TAF4: variants seen among roughly 807,000 people sequenced by gnomAD.
The protein encoded by TAF4 is TATA-box binding protein associated factor 4.
Under a neutral mutation model 90.3 loss-of-function variants are expected in TAF4, and 9 were observed. The ratio of observed to expected loss-of-function variants is 0.10; its 90% CI spans 0.06 to 0.17. The LOEUF (loss-of-function observed/expected upper bound fraction) is 0.17. TAF4 is among the 10% of genes least tolerant of loss of function. TAF4 has a pLI of 1.00. For missense variants in TAF4, 1,351 were observed against 1,370.7 expected, an observed-to-expected ratio of 0.99 and a Z score of 0.23; for synonymous variants, 818 against 638.9, an observed-to-expected ratio of 1.28 and a Z score of -4.23.
chr20:62,011,137 C>T (rs557077682), intron 3 of TAF4, among the ~76,000 whole-genome samples: 46 of 152,282 alleles, frequency 3.0e-4, no homozygotes, highest in African/African-American at 1.1e-3. Context: ...TGTGAGGAGG[C>T]AGCAGGGTGG....
chr20:62,064,093 G>A (rs1478806567), intron 1 of TAF4, among the ~76,000 whole-genome samples: 2 of 152,250 alleles, frequency 1.3e-5, no homozygotes, highest in Non-Finnish European at 2.9e-5. Flanking sequence ...GGCCCAGGGA[G>A]CCCCTGCGCT....
intron 1 of TAF4, among the ~76,000 whole-genome samples, chr20:62,035,056 A>G (rs1188462496): frequency 1.3e-5 from 2 of 152,100 alleles, no homozygotes; most frequent in African/African-American, 2.4e-5. Context: ...CCCTGACCTC[A>G]TGATCCGCCT....
At chr20:61,992,088 T>A (rs1032271274) in intron 14 of TAF4, among the ~76,000 whole-genome samples, 1 of 152,032 alleles carries the variant, frequency 6.6e-6, no homozygotes, top group Admixed American at 6.6e-5. Flanking sequence ...CATGAAGCGT[T>A]CCAAAAGAAT....
intron 4 of TAF4, 79 bp downstream of exon 4, chr20:62,009,967 T>C (rs748874303): frequency 1.2e-5 from 19 of 1,594,400 alleles, no homozygotes; most frequent in Non-Finnish European, 1.5e-5. Context: ...GAAGCCGGCC[T>C]GAGGTCTCAA....
chr20:61,998,268 T>C (rs2055675930), intron 12 of TAF4, 76 bp from the exon 13 acceptor site: 3 of 1,465,880 alleles, frequency 2.0e-6, no homozygotes, highest in South Asian at 2.5e-5. Context: ...TGTTATCTTA[T>C]TTACTATACA....
At chr20:61,999,181 C>T in intron 11 of TAF4, 73 bp from the exon 12 acceptor site, 7 of 1,566,730 alleles carry the variant, frequency 4.5e-6, no homozygotes, top group Non-Finnish European at 6.1e-6. Context: ...TCTAGCACCA[C>T]TGGACCATCC....
intron 1 of TAF4, among the ~76,000 whole-genome samples, chr20:62,056,524 A>G (rs1020322602): frequency 6.6e-6 from 1 of 152,182 alleles, no homozygotes; most frequent in South Asian, 2.1e-4. Flanking sequence ...ACAGGGGGCC[A>G]CTTGTCGCCA....
intron 11 of TAF4, 102 bp from the exon 12 acceptor site, chr20:61,999,210 C>A: frequency 6.8e-7 from 1 of 1,465,794 alleles, no homozygotes; most frequent in South Asian, 1.3e-5. Context: ...CGCCCTCCCT[C>A]CGTCCAGTCT....
chr20:61,997,782 CTTT>C (rs2055672511), intron 13 of TAF4, 113 bp from the exon 14 acceptor site: 8 of 1,339,870 alleles, frequency 6.0e-6, no homozygotes, highest in Non-Finnish European at 7.9e-6. Flanking sequence ...ATCATAACTT[CTTT>C]AATGTTTTGA....
intron 1 of TAF4, among the ~76,000 whole-genome samples, chr20:62,015,474 T>C (rs1022182914): frequency 6.6e-6 from 1 of 151,954 alleles, no homozygotes; most frequent in Non-Finnish European, 1.5e-5. Flanking sequence ...ATGACAGAGG[T>C]GGGGATGCAG....
At chr20:62,026,866 A>C (rs1213590502) in intron 1 of TAF4, among the ~76,000 whole-genome samples, 1 of 152,212 alleles carries the variant, frequency 6.6e-6, no homozygotes, top group Non-Finnish European at 1.5e-5. Context: ...GCAGTCAGCC[A>C]ACTCAGCATC....
Position 62,065,015 on chromosome 20 carries a change from G to T in TAF4, c.796C>A (p.Pro266Thr). ...GGTGGCGGGGGCGGGGCGGCGGCGG[G>T]GGCGGCGGGCGCGGGGGCGGCGGGG... ...SPPAAPAPAA[P>T]AAAPPPPPPA... The change falls in exon 1 of 15, where the codon CCC (proline) becomes ACC (threonine). Residue 266 changes from proline (P) to threonine (T), a missense_variant. This residue lies in a region of TAF4 where 782 missense variants were observed against 536.6 expected (regional missense o/e 1.46). Coordinates refer to ENST00000252996, the MANE Select transcript of TAF4 (RefSeq NM_003185.4). 1 of 378,670 alleles carries T rather than the reference G, an allele frequency of 2.6e-6. No individual in the cohort carries two copies. The highest frequency in any genetic ancestry group is 3.5e-6 in the Non-Finnish European group (1 of 286,702). 23.5% of individuals were successfully genotyped at this position (378,670 alleles called of 1,614,324 possible).
chr20:61,977,125 G>A (rs1381102519), intron 14 of TAF4, among the ~76,000 whole-genome samples: 1 of 132,992 alleles, frequency 7.5e-6, no homozygotes, highest in Non-Finnish European at 1.6e-5. Context: ...ACACGACACC[G>A]CCCAGCGGGG....
intron 1 of TAF4, among the ~76,000 whole-genome samples, chr20:62,028,923 G>A (rs1017719055): frequency 3.3e-5 from 5 of 152,220 alleles, no homozygotes; most frequent in African/African-American, 7.2e-5. Flanking sequence ...TGGGCCAGGC[G>A]CAGTGGCTCA....
intron 4 of TAF4, 99 bp from the exon 5 acceptor site, chr20:62,009,273 A>AT: frequency 8.4e-7 from 1 of 1,186,246 alleles, no homozygotes; most frequent in Admixed American, 2.8e-5. Context: ...AAAGATACAT[A>AT]TATTTCTTCT....
chr20:62,009,415 T>C (rs530192548), intron 4 of TAF4, among the ~76,000 whole-genome samples: 10 of 152,310 alleles, frequency 6.6e-5, no homozygotes, highest in African/African-American at 2.4e-4. Context: ...GGAATGCAGC[T>C]ATGCAAATAA....
intron 1 of TAF4, among the ~76,000 whole-genome samples, chr20:62,060,644 T>C (rs1008701922): frequency 1.3e-5 from 2 of 152,210 alleles, no homozygotes; most frequent in Non-Finnish European, 2.9e-5. Context: ...CAAAAGTTCT[T>C]TTTCTTTGTT....
At chr20:61,983,108 C>T (rs577468466) in intron 14 of TAF4, among the ~76,000 whole-genome samples, 3 of 152,098 alleles carry the variant, frequency 2.0e-5, no homozygotes, top group East Asian at 3.9e-4. Context: ...GGTCCTGTCA[C>T]CAAAAGGCAG....
chr20:62,045,915 C>A (rs1167425681), intron 1 of TAF4, among the ~76,000 whole-genome samples: 1 of 152,220 alleles, frequency 6.6e-6, no homozygotes, highest in East Asian at 1.9e-4. Context: ...TTTTTCACAA[C>A]TATAACGAAC....
Sources: allele counts gnomAD v4.1 joint callset (sites outside exome capture counted in the v4.1 genomes callset), GRCh38; gene constraint gnomAD v4.1.1; regional missense constraint gnomAD v4.1.1; transcripts MANE v1.5; gene names NCBI Gene and HGNC (gene_info 2026-07-23, HGNC 2026-07-21).